Variants in CEP152 observed in about 807,000 individuals in gnomAD.
CEP152 encodes centrosomal protein 152.
CEP152 carries 132 observed loss-of-function variants against 188.9 expected under a neutral mutation model. The observed-to-expected ratio is 0.70, with a 90% CI of 0.61 to 0.81. CEP152 has a LOEUF of 0.81. Among genes scored for constraint, CEP152 ranks in the 30% least tolerant of loss-of-function variants. The pLI is 0.00. For missense variants in CEP152, 1,914 were observed against 1,969.8 expected, an observed-to-expected ratio of 0.97 and a Z score of 0.54; for synonymous variants, 649 against 666.6, an observed-to-expected ratio of 0.97 and a Z score of 0.41.
At position 48,744,363 on chromosome 15, in the gene CEP152, T is replaced by C. The variant is rs777753015; in HGVS notation, c.3732-20A>G. On this transcript the variant is annotated intron_variant, in intron 23 of 26. Transcript: ENST00000380950. ...AATGACCTAAAAAACAAACCAAAGA[T>C]TACAAAAACAGAAATGGTAAGTGAA... 6.2e-7 allele frequency: 1 copy of C among 1,613,758 alleles called. No homozygotes were observed. The highest frequency in any genetic ancestry group is 1.1e-5 in the South Asian group (1 of 91,066).
intron 10 of CEP152, among the ~76,000 whole-genome samples, chr15:48,782,800 A>G (rs1896342783): frequency 6.6e-6 from 1 of 152,194 alleles, no homozygotes; most frequent in Admixed American, 6.5e-5. Flanking sequence ...AAAGAAAATG[A>G]CCATCTGGGA....
At chr15:48,732,467 AAGTGAGTGAGAACATTGGGAGCTG>A (rs992602208) in intron 2 of CEP152, among the ~76,000 whole-genome samples, 1 of 152,044 alleles carries the variant, frequency 6.6e-6, no homozygotes, top group African/African-American at 2.4e-5. Context: ...TCTCACTCAT[AAGTGAGTGAGAACATTGGGAGCTG>A]AACATTGGGA....
Position 48,752,419 on chromosome 15 carries a change from T to C in CEP152, c.3396A>G (p.Gln1132=), listed in dbSNP as rs1175106382. 1.2e-6 allele frequency: 2 copies of C among 1,613,822 alleles called. No homozygotes were observed. The highest frequency in any genetic ancestry group is 1.7e-6 in the Non-Finnish European group (2 of 1,180,030). Residue 1132 remains glutamine, a synonymous_variant, in exon 21 of 27, where the codon CAA becomes CAG. Transcript: ENST00000380950. ...GTCCAGCAGCAGGTCCAGGGTCTCC[T>C]TGGCCAGTGCCCTGGCTGGCAGAAT... ...SKDSASQGTG[Q]GDPGPAAGHH...
chr15:48,757,611 T>C (rs1001492541), intron 19 of CEP152, among the ~76,000 whole-genome samples: 2 of 152,154 alleles, frequency 1.3e-5, no homozygotes, highest in African/African-American at 4.8e-5. Context: ...GACGCACTAG[T>C]GTCAAAAGAC....
chr15:48,754,818 T>C (rs1041352955), intron 20 of CEP152, among the ~76,000 whole-genome samples: 10 of 152,228 alleles, frequency 6.6e-5, no homozygotes, highest in Non-Finnish European at 1.0e-4. Context: ...TGAGCAACTA[T>C]GTGATTGCCC....
intron 2 of CEP152, among the ~76,000 whole-genome samples, chr15:48,732,174 C>CATTACTGG (rs1161142616): frequency 6.6e-6 from 1 of 152,162 alleles, no homozygotes; most frequent in African/African-American, 2.4e-5. Flanking sequence ...CAGGCAATCC[C>CATTACTGG]ATTACTGGGT....
rs1894578248 is a variant in CEP152 at position 48,760,211 on chromosome 15, A to G, written c.2618T>C (p.Leu873Pro). The G allele has an allele frequency of 6.2e-7, 1 of 1,614,002 alleles. No homozygotes were observed. Among genetic ancestry groups the G allele is most frequent in the Non-Finnish European group, 8.5e-7 (1 of 1,179,996 alleles). Residue 873 changes from leucine to proline, a missense_variant, in exon 19 of 27, where the codon CTG (leucine) becomes CCG (proline). By Grantham distance (98) the Leu-to-Pro change is moderately conservative. Transcript: ENST00000380950. Reference sequence around the variant, plus strand: ...CTTCACAAGTGCTTGATACTCTGCCAGCTCTGGTAGTTCTCCCAGCCATCG... The same window carrying G: ...CTTCACAAGTGCTTGATACTCTGCCGGCTCTGGTAGTTCTCCCAGCCATCG... ...HQRWLGELPE[L>P]AEYQALVKAE...
In CEP152 at chr15:48,738,224, ATTC is replaced by A. The variant is rs1566970393; in HGVS notation, c.*22_*24del. On this transcript the variant is annotated 3_prime_UTR_variant, in exon 27 of 27. Transcript: ENST00000380950. ...TTCCATTTTTGTTAATATATTAATG[ATTC>A]TTCTTAAATACTGTACCATAATTAG... 1 of 1,584,906 alleles carries A rather than the reference ATTC, an allele frequency of 6.3e-7. No homozygotes were observed. Among genetic ancestry groups the A allele is most frequent in the Non-Finnish European group, 8.6e-7 (1 of 1,163,904 alleles).
Position 48,796,160 on chromosome 15 carries a change from C to G in CEP152, c.541G>C (p.Gly181Arg), listed in dbSNP as rs201107392. ...GGTTCCAAACCTTGACAACTGGGACCCTGTGATAACAAATGAAACTGACAA... is the reference window on the plus strand; with the variant it reads ...GGTTCCAAACCTTGACAACTGGGACGCTGTGATAACAAATGAAACTGACAA... ...FSDPQWNHFQ[G>R]PSCQGLEPYN... is the part of the protein sequence containing the mutation. Residue 181 changes from glycine to arginine, a missense_variant and splice_region_variant, in exon 6 of 27, where the codon GGT becomes CGT. Gly to Arg is a moderately radical substitution (Grantham distance 125). Coordinates refer to ENST00000380950, the MANE Select transcript of CEP152 (RefSeq NM_001194998.2). 1.2e-6 allele frequency: 2 copies of G among 1,613,320 alleles called. No individual in the cohort carries two copies. The highest frequency in any genetic ancestry group is 1.7e-6 in the Non-Finnish European group (2 of 1,179,612).
intron 14 of CEP152, among the ~76,000 whole-genome samples, chr15:48,768,546 C>A (rs186557268): frequency 7.2e-5 from 11 of 152,222 alleles, no homozygotes; most frequent in Non-Finnish European, 1.3e-4. Flanking sequence ...CAGGACTAAA[C>A]GTTTAAATTT....
intron 6 of CEP152, among the ~76,000 whole-genome samples, chr15:48,795,207 A>G (rs1162080356): frequency 6.6e-6 from 1 of 152,170 alleles, no homozygotes; most frequent in Non-Finnish European, 1.5e-5. Flanking sequence ...TGATACTAGC[A>G]TTTCATCTCA....
chr15:48,736,421 TA>T (rs1222031644), downstream of CEP152, among the ~76,000 whole-genome samples: 4 of 152,014 alleles, frequency 2.6e-5, no homozygotes, highest in Non-Finnish European at 5.9e-5. Flanking sequence ...CCAGCAACAT[TA>T]AAAAAAGGGC....
intron 12 of CEP152, among the ~76,000 whole-genome samples, chr15:48,778,498 C>T (rs1896056677): frequency 6.6e-6 from 1 of 152,180 alleles, no homozygotes; most frequent in East Asian, 1.9e-4. Flanking sequence ...CGTTTCTTCG[C>T]TTATCTTGTG....
At position 48,738,962 on chromosome 15, in the gene CEP152, C is replaced by T. The variant is rs377685429; in HGVS notation, c.4420G>A (p.Gly1474Ser). Residue 1474 changes from glycine (G) to serine (S), a missense_variant, in exon 27 of 27, where the codon GGT becomes AGT. Coordinates refer to ENST00000380950, the MANE Select transcript of CEP152 (RefSeq NM_001194998.2). The part of the protein sequence containing the change: ...FVPCEGEGGF[G>S]LHKKKDLLSD... ...AGTAGGTCTTTCTTCTTGTGCAAAC[C>T]AAAGCCTCCTTCACCTTCACAAGGA... 1.2e-6 allele frequency: 2 copies of T among 1,613,814 alleles called. No individual in the cohort carries two copies. Among genetic ancestry groups the T allele is most frequent in the African/African-American group, 2.7e-5 (2 of 74,882 alleles).
Position 48,797,641 on chromosome 15 carries a change from T to C in CEP152, c.261+20A>G, listed in dbSNP as rs960791657. On this transcript the variant is annotated intron_variant, in intron 4 of 26. Coordinates refer to ENST00000380950, the MANE Select transcript of CEP152 (RefSeq NM_001194998.2). ...TCCAGTCCCACCCTCACCAAAGTCA[T>C]CATCACACCAGATACTTACATTTAC... 2 of 1,614,096 alleles carry C rather than the reference T, an allele frequency of 1.2e-6. No individual in the cohort carries two copies. The highest frequency in any genetic ancestry group is 1.1e-5 in the South Asian group (1 of 91,078).
At chr15:48,734,955 T>A (rs1271446951), downstream of CEP152, among the ~76,000 whole-genome samples, 1 of 152,102 alleles carries the variant, frequency 6.6e-6, no homozygotes, top group Non-Finnish European at 1.5e-5. Flanking sequence ...TAATAACCAG[T>A]TGAACAAATA....
At chr15:48,789,248 T>C (rs955426446) in intron 8 of CEP152, 6 of 531,980 alleles carry the variant, frequency 1.1e-5, no homozygotes, top group Non-Finnish European at 1.7e-5. Context: ...CTGAGGGGAG[T>C]GAAAGAGGAT....
rs1192991504 is a variant in CEP152 at position 48,744,994 on chromosome 15, T to C, written c.3635-2A>G. 24 of 1,591,386 alleles carry C rather than the reference T, an allele frequency of 1.5e-5. No individual in the cohort carries two copies. Among genetic ancestry groups the C allele is most frequent in the Non-Finnish European group, 2.1e-5 (24 of 1,167,722 alleles). ...CTTCAACAACTTTATTATTCTCTTCTATAACAGAAAGTTTATAGTATATTA... is the reference window on the plus strand; with the variant it reads ...CTTCAACAACTTTATTATTCTCTTCCATAACAGAAAGTTTATAGTATATTA... On this transcript the variant is annotated splice_acceptor_variant, in intron 22 of 26. Coordinates refer to ENST00000380950, the MANE Select transcript of CEP152 (RefSeq NM_001194998.2). LOFTEE classifies it high-confidence loss of function.
chr15:48,784,221 GATC>G, intron 9 of CEP152, 101 bp from the exon 10 acceptor site: 1 of 1,154,704 alleles, frequency 8.7e-7, no homozygotes, highest in Non-Finnish European at 1.2e-6. Flanking sequence ...TCAAACACAA[GATC>G]ATCACATGGG....
Sources: allele counts gnomAD v4.1 joint callset (sites outside exome capture counted in the v4.1 genomes callset), GRCh38; gene constraint gnomAD v4.1.1; transcripts MANE v1.5; gene names NCBI Gene and HGNC (gene_info 2026-07-23, HGNC 2026-07-21).